The following TCF7 variants were observed in gnomAD, a reference collection of about 807,000 sequenced individuals.
The protein encoded by TCF7 is transcription factor 7.
A neutral mutation model predicts 46.8 loss-of-function variants in TCF7; 19 were observed. The ratio of observed to expected loss-of-function variants is 0.41; its 90% CI spans 0.28 to 0.60. The LOEUF (loss-of-function observed/expected upper bound fraction) is 0.60, where lower values mean the gene tolerates loss of function less well. Ranked by LOEUF, TCF7 falls within the 20% of genes least tolerant of loss-of-function variation. TCF7 has a pLI of 0.35. For synonymous variants in TCF7, 245 were observed against 213.4 expected (o/e 1.15, Z -1.29); for missense variants, 547 against 504.6 (o/e 1.08, Z -0.81).
chr5:134,120,625 G>T (rs1435408650), intron 3 of TCF7, among the ~76,000 whole-genome samples: 3 of 152,116 alleles, frequency 2.0e-5, no homozygotes, highest in African/African-American at 7.2e-5. Flanking sequence ...GCACATAGCC[G>T]CCACCTTCTC....
At chr5:134,115,719 A>G in intron 2 of TCF7, 190 bp from the exon 3 acceptor site, 2 of 1,434,256 alleles carry the variant, frequency 1.4e-6, no homozygotes, top group East Asian at 5.1e-5. Flanking sequence ...AGTAGGGGCC[A>G]CCTCGGGGAG....
intron 3 of TCF7, among the ~76,000 whole-genome samples, chr5:134,120,345 G>C (rs564992736): frequency 6.6e-6 from 1 of 152,232 alleles, no homozygotes; most frequent in African/African-American, 2.4e-5. Flanking sequence ...GCCACAGGGG[G>C]CCTTTAAAAA....
chr5:134,144,831 T>C, intron 9 of TCF7: 1 of 1,614,212 alleles, frequency 6.2e-7, no homozygotes, highest in Non-Finnish European at 8.5e-7. Flanking sequence ...GTGCTCGCTT[T>C]GGCCTCAACC....
upstream of TCF7, among the ~76,000 whole-genome samples, chr5:134,110,987 T>C (rs1042553139): frequency 6.6e-6 from 1 of 152,222 alleles, no homozygotes; most frequent in Non-Finnish European, 1.5e-5. Flanking sequence ...AATATCTCGT[T>C]CAAGAGCACC....
chr5:134,138,008 T>C, intron 3 of TCF7, 51 bp from the exon 4 acceptor site: 1 of 1,447,894 alleles, frequency 6.9e-7, no homozygotes. Context: ...TCCCAGTGTC[T>C]TCCTCCCTCA....
At chr5:134,131,200 T>C (rs1458678778) in intron 3 of TCF7, among the ~76,000 whole-genome samples, 1 of 152,040 alleles carries the variant, frequency 6.6e-6, no homozygotes, top group Non-Finnish European at 1.5e-5. Flanking sequence ...ACTGAAGACC[T>C]GGAGAGCCCA....
At chr5:134,123,718 G>C (rs1756927795) in intron 3 of TCF7, 1 of 456,202 alleles carries the variant, frequency 2.2e-6, no homozygotes. Context: ...CCAGAGCCTG[G>C]GAGAAGCTGA....
intron 3 of TCF7, among the ~76,000 whole-genome samples, chr5:134,130,748 G>GC (rs1758004733): frequency 6.6e-6 from 1 of 152,140 alleles, no homozygotes; most frequent in African/African-American, 2.4e-5. Flanking sequence ...ATGCTGCAGT[G>GC]ACCCTGTGCC....
intron 3 of TCF7, chr5:134,123,882 A>G (rs17167274): frequency 0.1 from 46,014 of 454,244 alleles, 3,602 homozygotes; most frequent in Admixed American, 0.28. Context: ...GAACTCGAAC[A>G]GAGCCAAGGG....
At chr5:134,143,431 A>C (rs749162343) in intron 8 of TCF7, 161 bp from the exon 9 acceptor site, 6 of 883,104 alleles carry the variant, frequency 6.8e-6, no homozygotes, top group Non-Finnish European at 1.1e-5. Context: ...AATGCACTCC[A>C]TAGCAGCCTA....
At chr5:134,113,804 G>A (rs955432765), upstream of TCF7, among the ~76,000 whole-genome samples, 5 of 152,240 alleles carry the variant, frequency 3.3e-5, no homozygotes, top group African/African-American at 4.8e-5. Context: ...AGGGTTAGAG[G>A]GTTAGTCAGG....
chr5:134,115,106 G>C lies in TCF7; in HGVS notation c.200G>C (p.Gly67Ala). The change falls in exon 1 of 10, where the codon GGG (glycine) becomes GCG (alanine). Residue 67 changes from glycine (G) to alanine (A), a missense_variant. Physicochemically the swap from Gly to Ala is moderately conservative, Grantham distance 60 (BLOSUM62 0). This residue lies in a region of TCF7 where 425 missense variants were observed against 349.9 expected (regional missense o/e 1.21). Transcript: ENST00000342854. ...TCCGAGGGCGCGGCCGGCGGCGCAG[G>C]GATCCCGGGGGTCCCGGGGGCCGGC... Reference protein sequence around the residue: ...NESEGAAGGAGIPGVPGAGAG... With the variant: ...NESEGAAGGAAIPGVPGAGAG... 3.8e-6 allele frequency: 4 copies of C among 1,042,346 alleles called. No homozygotes were observed. Among genetic ancestry groups the C allele is most frequent in the Non-Finnish European group, 4.6e-6 (4 of 864,544 alleles). The allele number at this position is 1,042,346 out of a possible 1,614,324, so 64.6% of individuals were successfully genotyped here.
At chr5:134,112,386 A>C (rs1394843260), upstream of TCF7, among the ~76,000 whole-genome samples, 1 of 152,212 alleles carries the variant, frequency 6.6e-6, no homozygotes, top group Non-Finnish European at 1.5e-5. Context: ...GGCTAGGTAC[A>C]CAGTAGATGA....
At chr5:134,127,812 T>C (rs1253489060) in intron 3 of TCF7, among the ~76,000 whole-genome samples, 2 of 152,212 alleles carry the variant, frequency 1.3e-5, no homozygotes, top group Admixed American at 6.5e-5. Flanking sequence ...CCAGAGGAAA[T>C]CAAGGGCTGG....
intron 3 of TCF7, among the ~76,000 whole-genome samples, chr5:134,137,571 C>G (rs928978407): frequency 2.0e-5 from 3 of 152,080 alleles, no homozygotes; most frequent in Admixed American, 6.6e-5. Flanking sequence ...TGAGGAGGGC[C>G]CTTCCCTGTG....
intron 3 of TCF7, among the ~76,000 whole-genome samples, chr5:134,137,181 T>C (rs937836509): frequency 6.6e-6 from 1 of 152,168 alleles, no homozygotes; most frequent in East Asian, 1.9e-4. Context: ...CCCAGCACTC[T>C]GGGAGGCCGA....
chr5:134,127,997 T>C (rs1316164014), intron 3 of TCF7, among the ~76,000 whole-genome samples: 2 of 152,240 alleles, frequency 1.3e-5, no homozygotes, highest in Non-Finnish European at 2.9e-5. Context: ...GAGACCTGGA[T>C]GTTTTACAAT....
At chr5:134,109,275 G>A in the TCF7 span, among the ~76,000 whole-genome samples, 2 of 152,204 alleles carry the variant, frequency 1.3e-5, no homozygotes, top group Non-Finnish European at 2.9e-5. Flanking sequence ...TTCTCAATAA[G>A]ACATTCCTCT....
Position 134,146,258 on chromosome 5 carries a change from G to C in TCF7, c.1110G>C (p.Glu370Asp). 6.2e-7 allele frequency: 1 copy of C among 1,614,192 alleles called. No homozygotes were observed. Among genetic ancestry groups the C allele is most frequent in the Non-Finnish European group, 8.5e-7 (1 of 1,180,026 alleles). Residue 370 changes from glutamate (E) to aspartate (D), a missense_variant, in exon 10 of 10, where the codon GAG becomes GAC. Coordinates refer to ENST00000342854, the MANE Select transcript of TCF7 (RefSeq NM_003202.5). ...GKRNAFGTYPEKAAAPAPFLP... is the reference protein window; with the variant it reads ...GKRNAFGTYPDKAAAPAPFLP... ...GAAATGCATTCGGTACTTACCCGGAGAAGGCCGCTGCCCCAGCCCCGTTCC... is the reference window on the plus strand; with the variant it reads ...GAAATGCATTCGGTACTTACCCGGACAAGGCCGCTGCCCCAGCCCCGTTCC...
Sources: allele counts gnomAD v4.1 joint callset (sites outside exome capture counted in the v4.1 genomes callset), GRCh38; gene constraint gnomAD v4.1.1; regional missense constraint gnomAD v4.1.1; transcripts MANE v1.5; gene names NCBI Gene and HGNC (gene_info 2026-07-23, HGNC 2026-07-21).